The following RER1 variants were observed in gnomAD, a reference collection of about 807,000 sequenced individuals.
RER1 encodes the protein retention in endoplasmic reticulum sorting receptor 1.
Under a neutral mutation model 28.3 loss-of-function variants are expected in RER1, and 6 were observed. The ratio of observed to expected loss-of-function variants is 0.21; its 90% confidence interval spans 0.12 to 0.42. RER1 has a LOEUF of 0.42. Ranked by LOEUF, RER1 falls within the 10% of genes least tolerant of loss-of-function variation. RER1 has a pLI of 1.00. For synonymous variants in RER1, 110 were observed against 95.9 expected, an observed-to-expected ratio of 1.15 and a Z score of -0.86; for missense variants, 159 against 252.9, an observed-to-expected ratio of 0.63 and a Z score of 2.52.
At chr1:2,395,068 G>T (rs1300082512) in intron 1 of RER1, 2 of 152,440 alleles carry the variant, frequency 1.3e-5, no homozygotes, top group African/African-American at 2.4e-5. Flanking sequence ...CACTGTTTGA[G>T]ACTTGGTGAA....
At chr1:2,397,000 C>T (rs1264779809) in intron 2 of RER1, 116 bp from the exon 3 acceptor site, 1 of 621,344 alleles carries the variant, frequency 1.6e-6, no homozygotes, top group African/African-American at 1.8e-5. Flanking sequence ...TTTTAACTCA[C>T]TCTTTTAGCT....
intron 3 of RER1, among the ~76,000 whole-genome samples, chr1:2,397,649 C>T (rs530974121): frequency 9.2e-5 from 14 of 152,276 alleles, no homozygotes; most frequent in Admixed American, 3.9e-4. Context: ...CTGAGCTCTC[C>T]CTTGTGTGAG....
At chr1:2,395,957 T>A (rs1365086004) in intron 2 of RER1, 86 bp downstream of exon 2, 1 of 1,044,368 alleles carries the variant, frequency 9.6e-7, no homozygotes, top group African/African-American at 1.6e-5. Context: ...TGTTTGCTGG[T>A]GTTCCTGATG....
intron 3 of RER1, among the ~76,000 whole-genome samples, chr1:2,398,120 C>T (rs540677992): frequency 4.6e-5 from 7 of 152,340 alleles, no homozygotes; most frequent in East Asian, 1.9e-4. Flanking sequence ...AGTTTTATTG[C>T]GTTCGAAACC....
In RER1 at chr1:2,395,849, G is replaced by T; in HGVS notation, c.59G>T (p.Arg20Ile). ...CATGGGAAACCTTCGGTGGTGTACA[G>T]ATTTTTCACAAGACTTGGACAGGTT... ...SVHGKPSVVY[R>I]FFTRLGQIYQ... The change falls in exon 2 of 7, where the codon AGA becomes ATA. Residue 20 changes from arginine to isoleucine, a missense_variant. Transcript: ENST00000605895. 6.2e-7 allele frequency: 1 copy of T among 1,613,996 alleles called. No homozygotes were observed. Among genetic ancestry groups the T allele is most frequent in the Non-Finnish European group, 8.5e-7 (1 of 1,179,830 alleles).
chr1:2,402,174 G>C (rs1214649012), intron 5 of RER1, 33 bp from the exon 6 acceptor site: 4 of 1,613,966 alleles, frequency 2.5e-6, no homozygotes, highest in Non-Finnish European at 3.4e-6. Flanking sequence ...GCTGGCTGCA[G>C]ATGCGGCGCT....
intron 1 of RER1, chr1:2,394,410 C>G (rs987456948): frequency 3.9e-5 from 6 of 152,240 alleles, no homozygotes; most frequent in African/African-American, 1.4e-4. Context: ...CCACCTGTTG[C>G]CTTCCACCTG....
intron 5 of RER1, among the ~76,000 whole-genome samples, chr1:2,401,365 CCCTCCTT>C (rs1642856071): frequency 2.0e-4 from 7 of 34,600 alleles, no homozygotes; most frequent in Middle Eastern, 0.023. Flanking sequence ...CCCTCCTCCT[CCCTCCTT>C]CCTCCCTCCT....
At position 2,403,381 on chromosome 1, in the gene RER1, AG is replaced by A. The variant is rs1642903013; in HGVS notation, c.*259del. On this transcript the variant is annotated 3_prime_UTR_variant, in exon 7 of 7. Coordinates refer to ENST00000605895, the MANE Select transcript of RER1 (RefSeq NM_007033.5). The stretch of plus-strand genomic sequence containing the variant: ...TCTAGTCAGCTGCAGGCGGGAAGCC[AG>A]GCGGGTGGAGCCCATGGGAGCAAGG... 2.4e-6 allele frequency: 1 copy of A among 415,938 alleles called. No individual in the cohort carries two copies. The allele number at this position is 415,938 out of a possible 1,614,324, so 25.8% of individuals were successfully genotyped here.
chr1:2,402,066 T>C lies in RER1; in HGVS notation c.366-141T>C, dbSNP rs754989093. Reference sequence around the variant, plus strand: ...TACATGCAAAGGGTCCTGCTGCTGCTGTGCCCAGGGTAGACCCCTCCTTTC... The same window carrying C: ...TACATGCAAAGGGTCCTGCTGCTGCCGTGCCCAGGGTAGACCCCTCCTTTC... On this transcript the variant is annotated intron_variant, in intron 5 of 6. Transcript: ENST00000605895. 6 of 1,587,606 alleles carry C rather than the reference T, an allele frequency of 3.8e-6. No homozygotes were observed. The East Asian group carries it at 1.2e-4, about 31-fold the overall frequency.
At chr1:2,399,360 C>A in intron 3 of RER1, 55 bp from the exon 4 acceptor site, 1 of 1,245,398 alleles carries the variant, frequency 8.0e-7, no homozygotes, top group Non-Finnish European at 1.2e-6. Context: ...CGTGAACTGG[C>A]TCAGGCTGAT....
At chr1:2,399,825 C>T (rs903023802) in intron 4 of RER1, among the ~76,000 whole-genome samples, 1 of 152,334 alleles carries the variant, frequency 6.6e-6, no homozygotes, top group African/African-American at 2.4e-5. Flanking sequence ...GACTCCAGCC[C>T]CCGTCCCACC....
chr1:2,398,182 T>G (rs1642795630), intron 3 of RER1, among the ~76,000 whole-genome samples: 1 of 151,854 alleles, frequency 6.6e-6, no homozygotes, highest in Non-Finnish European at 1.5e-5. Context: ...CAGCCGAGGA[T>G]GGACACACAG....
At chr1:2,393,679 C>A (rs1057451225) in intron 1 of RER1, among the ~76,000 whole-genome samples, 7 of 152,338 alleles carry the variant, frequency 4.6e-5, no homozygotes, top group African/African-American at 1.4e-4. Context: ...GTCCTAGTCA[C>A]ACTGGCAGAG....
At chr1:2,394,273 T>C (rs1159502869) in intron 1 of RER1, 1 of 152,206 alleles carries the variant, frequency 6.6e-6, no homozygotes, top group South Asian at 2.1e-4. Context: ...GCACAGAGGA[T>C]CCAGGAACGG....
intron 1 of RER1, among the ~76,000 whole-genome samples, chr1:2,393,010 TG>T (rs200301869): frequency 0.087 from 147 of 1,692 alleles, 2 homozygotes; most frequent in East Asian, 0.47. Flanking sequence ...AAGAGAAAGG[TG>T]GGAGCCAGAC....
At chr1:2,397,446 C>T (rs1642783399) in intron 3 of RER1, among the ~76,000 whole-genome samples, 1 of 152,172 alleles carries the variant, frequency 6.6e-6, no homozygotes, top group Non-Finnish European at 1.5e-5. Context: ...ATACCCAGGC[C>T]GTCCTGAGCC....
At chr1:2,396,786 T>A (rs1055394471) in intron 2 of RER1, among the ~76,000 whole-genome samples, 2 of 152,186 alleles carry the variant, frequency 1.3e-5, no homozygotes, top group African/African-American at 4.8e-5. Flanking sequence ...GTGGGGACTT[T>A]GAGATGCACA....
chr1:2,398,079 G>C (rs997168365), intron 3 of RER1, among the ~76,000 whole-genome samples: 2 of 152,248 alleles, frequency 1.3e-5, no homozygotes, highest in Admixed American at 1.3e-4. Flanking sequence ...GGCAGGAGCA[G>C]GGGGCGGGAA....
Sources: gnomAD v4.1 joint callset for allele counts (sites outside exome capture counted in the v4.1 genomes callset) on GRCh38, gnomAD v4.1.1 for gene constraint, MANE v1.5 for transcripts, NCBI Gene and HGNC (gene_info 2026-07-23, HGNC 2026-07-21) for gene names.